RAB3C: variants seen among roughly 807,000 people sequenced by gnomAD.
The protein encoded by RAB3C is ras-related protein Rab-3C.
In RAB3C, 17 loss-of-function variants were observed where a neutral mutation model predicts 26.4. The observed-to-expected ratio is 0.64, with a 90% CI of 0.44 to 0.97. The LOEUF (loss-of-function observed/expected upper bound fraction) is 0.97. RAB3C is among the 50% of genes least tolerant of loss of function. The probability of loss-of-function intolerance (pLI) is 0.00; values close to 1 mark genes in which losing one functional copy is unlikely to be tolerated. For synonymous variants in RAB3C, 91 were observed against 95.9 expected, an observed-to-expected ratio of 0.95 and a Z score of 0.30; for missense variants, 242 against 281.9, an observed-to-expected ratio of 0.86 and a Z score of 1.01.
intron 2 of RAB3C, among the ~76,000 whole-genome samples, chr5:58,652,027 C>G (rs532998849): frequency 2.0e-5 from 3 of 151,770 alleles, no homozygotes; most frequent in South Asian, 4.2e-4. Flanking sequence ...ATTTTCCATA[C>G]TTGGTTGTTT....
intron 4 of RAB3C, among the ~76,000 whole-genome samples, chr5:58,836,007 T>G (rs1274671910): frequency 2.6e-5 from 4 of 152,172 alleles, no homozygotes; most frequent in Non-Finnish European, 1.5e-5. Flanking sequence ...CGGGGAACAG[T>G]AGAGAAACAA....
At chr5:58,636,986 A>G (rs779105396) in intron 2 of RAB3C, among the ~76,000 whole-genome samples, 2 of 152,170 alleles carry the variant, frequency 1.3e-5, no homozygotes, top group Non-Finnish European at 2.9e-5. Context: ...ACTTTTAATA[A>G]TAGGTTAGTT....
intron 3 of RAB3C, chr5:58,822,604 C>T (rs1171125505): frequency 3.5e-6 from 1 of 285,352 alleles, no homozygotes; most frequent in Non-Finnish European, 7.0e-6. Context: ...TACTCAGAAA[C>T]ACTCTGTGAT....
chr5:58,770,518 G>T (rs73104346), intron 3 of RAB3C, among the ~76,000 whole-genome samples: 2,205 of 152,096 alleles, frequency 0.014, 50 homozygotes, highest in African/African-American at 0.05. Flanking sequence ...CTAATGTCTA[G>T]CATCTTGTTA....
intron 3 of RAB3C, chr5:58,788,342 C>T (rs1214736647): frequency 1.3e-5 from 2 of 152,280 alleles, no homozygotes; most frequent in Non-Finnish European, 2.9e-5. Flanking sequence ...CCCAGCTGCA[C>T]TGCCACCACC....
intron 4 of RAB3C, among the ~76,000 whole-genome samples, chr5:58,833,113 TG>T (rs1743653660): frequency 6.6e-6 from 1 of 152,174 alleles, no homozygotes; most frequent in Admixed American, 6.5e-5. Flanking sequence ...AGGGCAGTAC[TG>T]TTTTTTGAAA....
intron 2 of RAB3C, among the ~76,000 whole-genome samples, chr5:58,705,136 A>C (rs1748918448): frequency 6.6e-6 from 1 of 152,156 alleles, no homozygotes; most frequent in Non-Finnish European, 1.5e-5. Flanking sequence ...ATGACATCAC[A>C]TTATATGTAA....
chr5:58,826,172 C>T (rs1230026242), intron 4 of RAB3C, among the ~76,000 whole-genome samples: 4 of 151,618 alleles, frequency 2.6e-5, no homozygotes, highest in Admixed American at 1.3e-4. Flanking sequence ...CAGAGAGGGC[C>T]CCCGGGGAGA....
intron 3 of RAB3C, among the ~76,000 whole-genome samples, chr5:58,777,616 T>C (rs1326543995): frequency 6.6e-6 from 1 of 150,786 alleles, no homozygotes; most frequent in Non-Finnish European, 1.5e-5. Context: ...TTTTTTGTAC[T>C]TTAAGTTATA....
chr5:58,689,919 A>G (rs1341724561), intron 2 of RAB3C, among the ~76,000 whole-genome samples: 1 of 152,190 alleles, frequency 6.6e-6, no homozygotes, highest in East Asian at 1.9e-4. Context: ...CTGTCACTCA[A>G]TATTTAGCAA....
At chr5:58,625,829 C>T (rs1747040118) in intron 2 of RAB3C, among the ~76,000 whole-genome samples, 2 of 150,194 alleles carry the variant, frequency 1.3e-5, no homozygotes, top group African/African-American at 4.9e-5. Context: ...TGCACTCCAG[C>T]CTGGGTGACA....
intron 3 of RAB3C, among the ~76,000 whole-genome samples, chr5:58,778,558 G>A (rs532885928): frequency 1.3e-5 from 2 of 152,182 alleles, no homozygotes; most frequent in Non-Finnish European, 2.9e-5. Context: ...ATGGGTTCTG[G>A]CACTGCCTAG....
chr5:58,794,672 C>G (rs1366671874), intron 3 of RAB3C: 1 of 152,076 alleles, frequency 6.6e-6, no homozygotes, highest in Admixed American at 6.5e-5. Flanking sequence ...GTATTATAGA[C>G]AAAGGACTAA....
At chr5:58,819,366 C>G (rs1743288150) in intron 3 of RAB3C, among the ~76,000 whole-genome samples, 1 of 152,206 alleles carries the variant, frequency 6.6e-6, no homozygotes. Flanking sequence ...ACTATCCCAG[C>G]ATTCTTCTGA....
At chr5:58,815,059 C>G (rs1743185753) in intron 3 of RAB3C, among the ~76,000 whole-genome samples, 1 of 152,110 alleles carries the variant, frequency 6.6e-6, no homozygotes, top group Admixed American at 6.5e-5. Context: ...CTTCCACATG[C>G]AGCTGAATTG....
intron 3 of RAB3C, among the ~76,000 whole-genome samples, chr5:58,737,564 C>G (rs1235703117): frequency 6.6e-6 from 1 of 150,890 alleles, no homozygotes; most frequent in African/African-American, 2.4e-5. Context: ...TAGAATAGTC[C>G]CTGGCATGTA....
chr5:58,614,611 C>T (rs193263063), intron 1 of RAB3C, among the ~76,000 whole-genome samples: 111 of 151,930 alleles, frequency 7.3e-4, no homozygotes, highest in African/African-American at 2.6e-3. Context: ...CCCTCCTAGA[C>T]CCCCTCTTTT....
chr5:58,620,203 C>T (rs1436311732), intron 2 of RAB3C, among the ~76,000 whole-genome samples: 1 of 152,202 alleles, frequency 6.6e-6, no homozygotes. Flanking sequence ...GAATCCTTCA[C>T]TTTCCCCCAT....
intron 4 of RAB3C, among the ~76,000 whole-genome samples, chr5:58,840,899 G>C (rs530665680): frequency 1.3e-5 from 2 of 152,208 alleles, no homozygotes; most frequent in African/African-American, 4.8e-5. Context: ...TGTTACTCTT[G>C]CCACAGGCAC....
Sources: gnomAD v4.1 joint callset for allele counts (sites outside exome capture counted in the v4.1 genomes callset) on GRCh38, gnomAD v4.1.1 for gene constraint, MANE v1.5 for transcripts, NCBI Gene and HGNC (gene_info 2026-07-23, HGNC 2026-07-21) for gene names.